COLGALT2: variants seen among roughly 807,000 people sequenced by gnomAD.
The protein encoded by COLGALT2 is collagen beta(1-O)galactosyltransferase 2, also known as procollagen galactosyltransferase 2.
Under a neutral mutation model 73.4 loss-of-function variants are expected in COLGALT2, and 49 were observed. That is an observed-to-expected ratio of 0.67 (90% CI 0.53 to 0.85). The LOEUF (loss-of-function observed/expected upper bound fraction) is 0.85, where lower values mean the gene tolerates loss of function less well. Ranked by LOEUF, COLGALT2 falls within the 40% of genes least tolerant of loss-of-function variation. The probability of loss-of-function intolerance (pLI) is 0.00; values close to 1 mark genes in which losing one functional copy is unlikely to be tolerated. For synonymous variants in COLGALT2, 295 were observed against 307.6 expected, an observed-to-expected ratio of 0.96 and a Z score of 0.43; for missense variants, 722 against 790.2, an observed-to-expected ratio of 0.91 and a Z score of 1.03.
At position 184,037,404 on chromosome 1, in the gene COLGALT2, G is replaced by A. The variant is rs1317098547; in HGVS notation, c.-47C>T. 9 of 1,311,728 alleles carry A rather than the reference G, an allele frequency of 6.9e-6. No individual in the cohort carries two copies. In the Admixed American group the frequency reaches 3.6e-4, roughly 53 times the overall value. The allele number at this position is 1,311,728 out of a possible 1,614,324, so 81.3% of individuals were successfully genotyped here. The stretch of plus-strand genomic sequence containing the variant: ...CGGGGAAGTCCTGGCGCGAGCGCCC[G>A]GCTGGGCTGCCTGAGGGCGGCGGCG... On this transcript the variant is annotated 5_prime_UTR_variant, in exon 1 of 12. Transcript: ENST00000361927.
chr1:183,969,491 G>T lies in COLGALT2; in HGVS notation c.628-18C>A. ...TAGAAGCCCTGTAAAAGAGCAAATAGGTGGGTTGTGTTTTCTGATTTGAAG... is the reference window on the plus strand; with the variant it reads ...TAGAAGCCCTGTAAAAGAGCAAATATGTGGGTTGTGTTTTCTGATTTGAAG... On this transcript the variant is annotated intron_variant, in intron 4 of 11. Transcript: ENST00000361927. 1 of 1,584,798 alleles carries T rather than the reference G, an allele frequency of 6.3e-7. No individual in the cohort carries two copies.
At chr1:184,031,827 C>CCTTT (rs1188742873) in intron 1 of COLGALT2, among the ~76,000 whole-genome samples, 2 of 139,830 alleles carry the variant, frequency 1.4e-5, no homozygotes, top group Non-Finnish European at 3.0e-5. Context: ...ATCCTTCCTT[C>CCTTT]CTTCCTTCCT....
At chr1:184,027,347 A>T (rs1431861308) in intron 1 of COLGALT2, among the ~76,000 whole-genome samples, 1 of 152,220 alleles carries the variant, frequency 6.6e-6, no homozygotes, top group Non-Finnish European at 1.5e-5. Context: ...AACCAAGAAG[A>T]AGTGCATCCA....
Position 183,951,071 on chromosome 1 carries a change from G to C in COLGALT2, c.1072C>G (p.Arg358Gly), listed in dbSNP as rs1447845567. Reference protein sequence around the residue: ...NLKRRKDRRDRMLRTLYEQEI... With the variant: ...NLKRRKDRRDGMLRTLYEQEI... The stretch of plus-strand genomic sequence containing the variant: ...TGTTCATACAGTGTGCGCAGCATCC[G>C]GTCCCGCCTGTCCTTTCTGCGTTTG... Residue 358 changes from arginine to glycine, a missense_variant, in exon 8 of 12, where the codon CGG becomes GGG. Arg to Gly is a moderately radical substitution (Grantham distance 125). Coordinates refer to ENST00000361927, the MANE Select transcript of COLGALT2 (RefSeq NM_015101.4). 6.2e-7 allele frequency: 1 copy of C among 1,613,834 alleles called. No individual in the cohort carries two copies. The highest frequency in any genetic ancestry group is 1.7e-5 in the Admixed American group (1 of 60,014).
At chr1:183,942,174 T>C (rs1030477208) in intron 10 of COLGALT2, among the ~76,000 whole-genome samples, 11 of 152,136 alleles carry the variant, frequency 7.2e-5, no homozygotes, top group Non-Finnish European at 1.2e-4. Context: ...GGTCTCGATC[T>C]CCTGACCTCG....
At chr1:183,986,582 C>A (rs1671494281) in intron 1 of COLGALT2, among the ~76,000 whole-genome samples, 1 of 152,126 alleles carries the variant, frequency 6.6e-6, no homozygotes. Context: ...AGTTAACAGT[C>A]AATTCAAAAG....
chr1:184,016,025 T>A lies in COLGALT2; in HGVS notation c.263+21070A>T, dbSNP rs114941251. ...TCTTACTCCAGGCATCAAACTGTCA[T>A]GGGTGGCTTTATTTATAGACACATA... On this transcript the variant is annotated intron_variant, in intron 1 of 11. Transcript: ENST00000361927. 5.8e-3 allele frequency among the ~76,000 whole-genome samples: 887 copies of A among 152,330 alleles called. 16 individuals are homozygous for A. The highest frequency in any genetic ancestry group is 0.02 in the African/African-American group (851 of 41,580).
intron 7 of COLGALT2, among the ~76,000 whole-genome samples, chr1:183,953,494 T>A (rs1196830142): frequency 2.6e-5 from 4 of 152,108 alleles, no homozygotes; most frequent in African/African-American, 9.7e-5. Flanking sequence ...ATAGGAATGT[T>A]TTTAGGAGGA....
rs1669984857 is a variant in COLGALT2 at position 183,937,412 on chromosome 1, T to C, written c.*1349A>G. Reference sequence around the variant, plus strand: ...AATCGTGTAGTCCAACTCTGCATTTTACATAAAATCAATCTGTGAAGAAAG... The same window carrying C: ...AATCGTGTAGTCCAACTCTGCATTTCACATAAAATCAATCTGTGAAGAAAG... On this transcript the variant is annotated 3_prime_UTR_variant, in exon 12 of 12. Transcript: ENST00000361927. The C allele has an allele frequency of 1.0e-6, 1 of 989,558 alleles. No homozygotes were observed. The highest frequency in any genetic ancestry group is 1.7e-5 in the African/African-American group (1 of 57,578). 61.3% of individuals were successfully genotyped at this position (989,558 alleles called of 1,614,324 possible).
At chr1:183,998,235 T>C (rs1378932335) in intron 1 of COLGALT2, among the ~76,000 whole-genome samples, 1 of 152,252 alleles carries the variant, frequency 6.6e-6, no homozygotes, top group Non-Finnish European at 1.5e-5. Context: ...TTGTGGTATT[T>C]ATCTGCATCT....
downstream of COLGALT2, among the ~76,000 whole-genome samples, chr1:183,931,003 C>T (rs11583233): frequency 0.58 from 87,928 of 152,104 alleles, 25,477 homozygotes; most frequent in African/African-American, 0.61. Flanking sequence ...AAGTTTCTTA[C>T]TTAAAATTTC....
At chr1:184,018,950 C>T (rs943307430) in intron 1 of COLGALT2, among the ~76,000 whole-genome samples, 4 of 152,134 alleles carry the variant, frequency 2.6e-5, no homozygotes, top group African/African-American at 9.7e-5. Flanking sequence ...CTAAAGCAAA[C>T]CAGATTATAA....
rs145607236 is a variant in COLGALT2, at chr1:184,035,824, C to G, written c.263+1271G>C. ...TTTAAAGCCTGGCTGTCCCAGTGCTCTCTTTCCACATAATATGCCCTTCTC... is the reference window on the plus strand; with the variant it reads ...TTTAAAGCCTGGCTGTCCCAGTGCTGTCTTTCCACATAATATGCCCTTCTC... On this transcript the variant is annotated intron_variant, in intron 1 of 11. Coordinates refer to ENST00000361927, the MANE Select transcript of COLGALT2 (RefSeq NM_015101.4). 3.2e-3 allele frequency among the ~76,000 whole-genome samples: 482 copies of G among 152,344 alleles called. 10 individuals carry two copies. The highest frequency in any genetic ancestry group is 0.023 in the Admixed American group (351 of 15,312).
exon 12 of COLGALT2, chr1:183,930,094 G>T: frequency 2.5e-6 from 1 of 400,640 alleles, no homozygotes; most frequent in Non-Finnish European, 5.0e-6. Context: ...TCTGTTCACA[G>T]CCCATCAACC....
chr1:183,953,169 T>C (rs1322176486), intron 7 of COLGALT2, among the ~76,000 whole-genome samples: 1 of 152,136 alleles, frequency 6.6e-6, no homozygotes, highest in Non-Finnish European at 1.5e-5. Flanking sequence ...TCACACTTAG[T>C]GAACAGTAAA....
intron 7 of COLGALT2, 67 bp downstream of exon 7, chr1:183,954,695 G>T: frequency 7.0e-6 from 9 of 1,289,124 alleles, no homozygotes; most frequent in Non-Finnish European, 1.0e-5. Context: ...TCAGGCTTGT[G>T]TTCCAAAATG....
At chr1:183,977,946 A>G (rs1455236356) in intron 2 of COLGALT2, among the ~76,000 whole-genome samples, 1 of 152,182 alleles carries the variant, frequency 6.6e-6, no homozygotes, top group Non-Finnish European at 1.5e-5. Context: ...TCAGTAGGGG[A>G]TCAATTAAAT....
In COLGALT2 at chr1:183,945,570, T is replaced by G. The variant is rs765214590; in HGVS notation, c.1137-6A>C. 3 of 1,613,824 alleles carry G rather than the reference T, an allele frequency of 1.9e-6. No homozygotes were observed. The highest frequency in any genetic ancestry group is 2.5e-6 in the Non-Finnish European group (3 of 1,179,970). Reference sequence around the variant, plus strand: ...GCTGGCTTGTGTTGAGTGCCCTGCATCACATAAAACACGTCTGGAGATTAA... The same window carrying G: ...GCTGGCTTGTGTTGAGTGCCCTGCAGCACATAAAACACGTCTGGAGATTAA... On this transcript the variant is annotated splice_polypyrimidine_tract_variant and splice_region_variant and intron_variant, in intron 8 of 11. Transcript: ENST00000361927.
chr1:184,006,557 C>G (rs1672089910), intron 1 of COLGALT2, among the ~76,000 whole-genome samples: 1 of 151,754 alleles, frequency 6.6e-6, no homozygotes, highest in Admixed American at 6.6e-5. Context: ...GCACTCCAGC[C>G]TGGGCAACAA....
Sources: allele counts gnomAD v4.1 joint callset (sites outside exome capture counted in the v4.1 genomes callset), GRCh38; gene constraint gnomAD v4.1.1; transcripts MANE v1.5; gene names NCBI Gene and HGNC (gene_info 2026-07-23, HGNC 2026-07-21).